Variants in EPHA7 observed in about 807,000 individuals in gnomAD.
EPHA7 encodes the protein EPH receptor A7.
A neutral mutation model predicts 112.6 loss-of-function variants in EPHA7; 25 were observed. That is an observed-to-expected ratio of 0.22 (90% CI 0.16 to 0.31). EPHA7 has a LOEUF of 0.31. Among genes scored for constraint, EPHA7 ranks in the 10% least tolerant of loss-of-function variants. The pLI is 1.00. For missense variants in EPHA7, 962 were observed against 1,212.6 expected, an observed-to-expected ratio of 0.79 and a Z score of 3.07; for synonymous variants, 437 against 406.5, an observed-to-expected ratio of 1.07 and a Z score of -0.90.
intron 3 of EPHA7, among the ~76,000 whole-genome samples, chr6:93,409,127 T>C (rs949212920): frequency 1.3e-5 from 2 of 152,070 alleles, no homozygotes; most frequent in Non-Finnish European, 2.9e-5. Context: ...CTAAACTTTT[T>C]AAAAATTATT....
chr6:93,264,790 T>G (rs555475247), intron 7 of EPHA7, 88 bp from the exon 8 acceptor site: 1 of 590,494 alleles, frequency 1.7e-6, no homozygotes, highest in African/African-American at 1.9e-5. Context: ...CTTTTCTATT[T>G]AATTCTTTAT....
intron 3 of EPHA7, among the ~76,000 whole-genome samples, chr6:93,365,445 C>A (rs767339332): frequency 1.9e-4 from 29 of 152,132 alleles, no homozygotes; most frequent in Non-Finnish European, 4.0e-4. Flanking sequence ...ATATTAATAT[C>A]TATGTTTCTA....
chr6:93,312,980 G>A (rs931919633), intron 5 of EPHA7, among the ~76,000 whole-genome samples: 1 of 152,016 alleles, frequency 6.6e-6, no homozygotes, highest in Non-Finnish European at 1.5e-5. Context: ...TCTTCTACAG[G>A]CATGGCTTAT....
intron 7 of EPHA7, 108 bp downstream of exon 7, chr6:93,269,369 G>T: frequency 2.5e-6 from 2 of 793,820 alleles, no homozygotes; most frequent in Non-Finnish European, 3.8e-6. Flanking sequence ...ATATTTATTT[G>T]TAAATGTAAA....
At chr6:93,395,575 TCACACACACACACACA>T (rs4053540) in intron 3 of EPHA7, among the ~76,000 whole-genome samples, 7 of 145,440 alleles carry the variant, frequency 4.8e-5, no homozygotes, top group Non-Finnish European at 1.1e-4. Context: ...TTTACTTATT[TCACACACACACACACA>T]CACACACACA....
At chr6:93,313,488 G>A (rs1364164285) in intron 5 of EPHA7, among the ~76,000 whole-genome samples, 2 of 151,292 alleles carry the variant, frequency 1.3e-5, no homozygotes, top group African/African-American at 2.4e-5. Context: ...TGCTTTTATA[G>A]CCAGAAACAA....
chr6:93,258,407 A>T (rs142946740), intron 10 of EPHA7, 123 bp from the exon 11 acceptor site: 18,689 of 1,041,480 alleles, frequency 0.018, 206 homozygotes, highest in Non-Finnish European at 0.02. Context: ...ATTTTAAAAT[A>T]TTTTCAAAAA....
chr6:93,245,190 T>C (rs1003353476), intron 16 of EPHA7, 108 bp downstream of exon 16: 6 of 1,075,154 alleles, frequency 5.6e-6, no homozygotes, highest in Non-Finnish European at 7.9e-6. Flanking sequence ...TTTTTTTATC[T>C]TGATTTTGGG....
At chr6:93,252,545 A>G (rs1770261804) in intron 14 of EPHA7, among the ~76,000 whole-genome samples, 1 of 151,978 alleles carries the variant, frequency 6.6e-6, no homozygotes, top group South Asian at 2.1e-4. Context: ...ATTCCTAGAA[A>G]AAAGCTTTTA....
chr6:93,324,989 A>G (rs1774245758), intron 5 of EPHA7, among the ~76,000 whole-genome samples: 1 of 151,108 alleles, frequency 6.6e-6, no homozygotes, highest in South Asian at 2.1e-4. Flanking sequence ...GAAAAAAGGC[A>G]TTTTTTTTCC....
intron 5 of EPHA7, among the ~76,000 whole-genome samples, chr6:93,324,195 T>A (rs1222466075): frequency 6.7e-6 from 1 of 149,904 alleles, no homozygotes; most frequent in Non-Finnish European, 1.5e-5. Context: ...ATTAAGTTAG[T>A]CCTGGGATAA....
intron 5 of EPHA7, among the ~76,000 whole-genome samples, chr6:93,310,516 T>A (rs528308396): frequency 1.3e-5 from 2 of 152,138 alleles, no homozygotes; most frequent in Admixed American, 1.3e-4. Context: ...AATACAGAAG[T>A]TAGCCGGGCG....
At chr6:93,291,526 T>G (rs1429691439) in intron 5 of EPHA7, among the ~76,000 whole-genome samples, 1 of 151,848 alleles carries the variant, frequency 6.6e-6, no homozygotes, top group Non-Finnish European at 1.5e-5. Context: ...CCCAGCACTT[T>G]GGGAGGCCGA....
chr6:93,411,013 C>T lies in EPHA7; in HGVS notation c.320G>A (p.Arg107Lys). The T allele has an allele frequency of 6.2e-7, 1 of 1,614,050 alleles. No individual in the cohort carries two copies. Among genetic ancestry groups the T allele is most frequent in the Non-Finnish European group, 8.5e-7 (1 of 1,179,978 alleles). Residue 107 changes from arginine (R) to lysine (K), a missense_variant, in exon 3 of 17, where the codon AGG becomes AAG. Physicochemically the swap from Arg to Lys is conservative, Grantham distance 26. Transcript: ENST00000369303. ...RIFVELKFTL[R>K]DCNSLPGVLG... ...TACTCCAGGAAGACTGTTACAATCC[C>T]TCAGGGTGAATTTCAATTCTACAAA... is the stretch of plus-strand genomic sequence containing the variant.
chr6:93,394,600 T>C (rs1451420386), intron 3 of EPHA7, among the ~76,000 whole-genome samples: 1 of 151,864 alleles, frequency 6.6e-6, no homozygotes, highest in Admixed American at 6.6e-5. Flanking sequence ...ATCTTACTGA[T>C]GAGATGCTGT....
intron 5 of EPHA7, among the ~76,000 whole-genome samples, chr6:93,274,528 A>G (rs1771377408): frequency 6.6e-6 from 1 of 151,946 alleles, no homozygotes; most frequent in African/African-American, 2.4e-5. Context: ...TGAAACTCAT[A>G]TCACAGTGCT....
intron 5 of EPHA7, among the ~76,000 whole-genome samples, chr6:93,300,585 G>A (rs2127848886): frequency 6.6e-6 from 1 of 152,190 alleles, no homozygotes; most frequent in South Asian, 2.1e-4. Context: ...GTCAAATTTT[G>A]CTAACACTTA....
chr6:93,406,305 G>A (rs1417099375), intron 3 of EPHA7, among the ~76,000 whole-genome samples: 2 of 151,270 alleles, frequency 1.3e-5, no homozygotes, highest in African/African-American at 4.8e-5. Flanking sequence ...TTCCAAATGA[G>A]AAGAATTTTT....
chr6:93,258,354 G>A (rs532906362), intron 10 of EPHA7, 70 bp from the exon 11 acceptor site: 165 of 1,348,774 alleles, frequency 1.2e-4, no homozygotes, highest in East Asian at 4.5e-4. Context: ...GAGTAAATGC[G>A]TTGAATTATT....
Sources: allele counts gnomAD v4.1 joint callset (sites outside exome capture counted in the v4.1 genomes callset), GRCh38; gene constraint gnomAD v4.1.1; transcripts MANE v1.5; gene names NCBI Gene and HGNC (gene_info 2026-07-23, HGNC 2026-07-21).